LNP1: variants seen among roughly 807,000 people sequenced by gnomAD.
LNP1 encodes the protein leukemia NUP98 fusion partner 1.
A neutral mutation model predicts 14.5 loss-of-function variants in LNP1; 12 were observed. The observed-to-expected ratio is 0.83, with a 90% CI of 0.53 to 1.34. The LOEUF (loss-of-function observed/expected upper bound fraction) is 1.34. Ranked by LOEUF, LNP1 falls within the 40% of genes most tolerant of loss-of-function variation. LNP1 has a pLI of 0.00. For missense variants in LNP1, 198 were observed against 210.9 expected (o/e 0.94, Z 0.38); for synonymous variants, 75 against 71.4 (o/e 1.05, Z -0.26).
intron 1 of LNP1, among the ~76,000 whole-genome samples, chr3:100,403,802 G>C (rs1022807046): frequency 2.6e-5 from 4 of 152,162 alleles, no homozygotes; most frequent in Admixed American, 2.6e-4. Flanking sequence ...GGGCAACTCT[G>C]CTTTCTTTAT....
intron 1 of LNP1, among the ~76,000 whole-genome samples, chr3:100,406,058 G>C (rs1251623594): frequency 6.6e-6 from 1 of 152,140 alleles, no homozygotes; most frequent in Admixed American, 6.5e-5. Context: ...GGCCGAAGCG[G>C]GTGGATCACC....
chr3:100,433,456 T>G (rs962481961), intron 2 of LNP1, among the ~76,000 whole-genome samples: 1 of 152,256 alleles, frequency 6.6e-6, no homozygotes, highest in South Asian at 2.1e-4. Flanking sequence ...ATTTTCTTTA[T>G]CCACTCTATC....
chr3:100,446,176 A>C (rs1707384998), intron 2 of LNP1, among the ~76,000 whole-genome samples: 2 of 152,238 alleles, frequency 1.3e-5, no homozygotes, highest in African/African-American at 4.8e-5. Flanking sequence ...AGCTGGAGGC[A>C]TCACACTACC....
chr3:100,433,680 C>T (rs891310920), intron 2 of LNP1, among the ~76,000 whole-genome samples: 1 of 152,150 alleles, frequency 6.6e-6, no homozygotes, highest in African/African-American at 2.4e-5. Flanking sequence ...ACTTTCCCCC[C>T]AACAGTGTAA....
At chr3:100,412,001 G>T (rs73150354) in intron 1 of LNP1, among the ~76,000 whole-genome samples, 2 of 152,142 alleles carry the variant, frequency 1.3e-5, no homozygotes, top group Non-Finnish European at 1.5e-5. Context: ...TGACATTCAA[G>T]ATTGTATTAG....
At chr3:100,429,657 G>T in intron 1 of LNP1, 40 bp from the exon 2 acceptor site, 1 of 1,357,466 alleles carries the variant, frequency 7.4e-7, no homozygotes, top group Non-Finnish European at 1.0e-6. Context: ...GGGTTTCATT[G>T]TCAGCCCTGT....
chr3:100,424,798 T>A (rs1449777461), intron 1 of LNP1, among the ~76,000 whole-genome samples: 1 of 152,234 alleles, frequency 6.6e-6, no homozygotes, highest in African/African-American at 2.4e-5. Flanking sequence ...AACCATTTTC[T>A]GTGTAGCTGA....
intron 1 of LNP1, among the ~76,000 whole-genome samples, chr3:100,406,962 C>T (rs1706974401): frequency 6.6e-6 from 1 of 152,168 alleles, no homozygotes; most frequent in African/African-American, 2.4e-5. Context: ...ACTTTAACTC[C>T]ACTTCCTTTC....
At chr3:100,425,565 T>C (rs1357541937) in intron 1 of LNP1, among the ~76,000 whole-genome samples, 1 of 152,208 alleles carries the variant, frequency 6.6e-6, no homozygotes, top group Non-Finnish European at 1.5e-5. Context: ...GTGCCGGGTT[T>C]TTTTCTTCTT....
At chr3:100,436,133 G>T (rs553841776) in intron 2 of LNP1, among the ~76,000 whole-genome samples, 3 of 152,104 alleles carry the variant, frequency 2.0e-5, no homozygotes, top group African/African-American at 7.2e-5. Context: ...ACCTTGTGGC[G>T]GTCAGAATAT....
chr3:100,443,571 G>A (rs1228108575), intron 2 of LNP1, among the ~76,000 whole-genome samples: 2 of 152,154 alleles, frequency 1.3e-5, no homozygotes, highest in Non-Finnish European at 1.5e-5. Context: ...AAAACCTGAG[G>A]CTCTTAGGCC....
chr3:100,406,240 TA>T (rs1412062622), intron 1 of LNP1, among the ~76,000 whole-genome samples: 1 of 151,848 alleles, frequency 6.6e-6, no homozygotes, highest in African/African-American at 2.4e-5. Flanking sequence ...GAGCCGAGAT[TA>T]CCCTATTATA....
At chr3:100,412,909 A>G (rs1474250779) in intron 1 of LNP1, among the ~76,000 whole-genome samples, 1 of 152,164 alleles carries the variant, frequency 6.6e-6, no homozygotes, top group African/African-American at 2.4e-5. Context: ...TATCCACCCA[A>G]CACAATACCT....
chr3:100,425,397 G>T (rs1047593586), intron 1 of LNP1, among the ~76,000 whole-genome samples: 1 of 152,332 alleles, frequency 6.6e-6, no homozygotes, highest in Non-Finnish European at 1.5e-5. Context: ...AGGAGCTGGG[G>T]CCAGTTGCTG....
At chr3:100,436,122 A>C (rs1031644289) in intron 2 of LNP1, among the ~76,000 whole-genome samples, 1 of 152,158 alleles carries the variant, frequency 6.6e-6, no homozygotes, top group Non-Finnish European at 1.5e-5. Flanking sequence ...GGAAAAGAAA[A>C]ACCTTGTGGC....
At chr3:100,405,223 T>G (rs1706953960) in intron 1 of LNP1, among the ~76,000 whole-genome samples, 2 of 152,216 alleles carry the variant, frequency 1.3e-5, no homozygotes, top group Non-Finnish European at 2.9e-5. Context: ...GCTGTTGTAT[T>G]TATATACACA....
At chr3:100,449,787 C>A (rs1348972189) in intron 2 of LNP1, among the ~76,000 whole-genome samples, 1 of 152,040 alleles carries the variant, frequency 6.6e-6, no homozygotes, top group Non-Finnish European at 1.5e-5. Flanking sequence ...CTTAAAAAAA[C>A]CTTTTAAATC....
At chr3:100,426,569 C>A (rs1707194755) in intron 1 of LNP1, among the ~76,000 whole-genome samples, 1 of 152,210 alleles carries the variant, frequency 6.6e-6, no homozygotes, top group Non-Finnish European at 1.5e-5. Flanking sequence ...AATCATTAGC[C>A]TCTAAGGGTC....
intron 1 of LNP1, among the ~76,000 whole-genome samples, chr3:100,408,522 C>T (rs1306685357): frequency 6.6e-6 from 1 of 152,176 alleles, no homozygotes; most frequent in African/African-American, 2.4e-5. Flanking sequence ...AGGGGGCCTG[C>T]CTGTTGCTGT....
Sources: gnomAD v4.1 joint callset for allele counts (sites outside exome capture counted in the v4.1 genomes callset) on GRCh38, gnomAD v4.1.1 for gene constraint, MANE v1.5 for transcripts, NCBI Gene and HGNC (gene_info 2026-07-23, HGNC 2026-07-21) for gene names.